The following RIF1 variants were observed in gnomAD, a reference collection of about 807,000 sequenced individuals.
RIF1 encodes the protein telomere-associated protein RIF1.
Under a neutral mutation model 247.1 loss-of-function variants are expected in RIF1, and 45 were observed. The observed-to-expected ratio is 0.18, with a 90% CI of 0.14 to 0.23. The LOEUF (loss-of-function observed/expected upper bound fraction) is 0.23. RIF1 is among the 10% of genes least tolerant of loss of function. The pLI, the probability that RIF1 is intolerant of heterozygous loss-of-function variation, is 1.00. For missense variants in RIF1, 2,967 were observed against 2,862.5 expected, an observed-to-expected ratio of 1.04 and a Z score of -0.83; for synonymous variants, 1,087 against 978.8, an observed-to-expected ratio of 1.11 and a Z score of -2.06.
At chr2:151,529,243 T>C in the RIF1 span, 6 of 1,613,548 alleles carry the variant, frequency 3.7e-6, no homozygotes, top group South Asian at 6.6e-5. Context: ...CCTTGGCTGC[T>C]TTGATATGAA....
the RIF1 span, among the ~76,000 whole-genome samples, chr2:151,518,142 T>C: frequency 6.6e-6 from 1 of 152,204 alleles, no homozygotes. Flanking sequence ...CTCAACTATA[T>C]GTAGATGTTG....
intron 9 of RIF1, among the ~76,000 whole-genome samples, chr2:151,429,314 G>A (rs1429903635): frequency 1.3e-5 from 2 of 152,020 alleles, no homozygotes; most frequent in Non-Finnish European, 2.9e-5. Flanking sequence ...CCGAGTAGCT[G>A]GGATTACAGG....
At chr2:151,428,071 A>AAACAG (rs781707249) in intron 8 of RIF1, among the ~76,000 whole-genome samples, 2 of 152,024 alleles carry the variant, frequency 1.3e-5, no homozygotes, top group African/African-American at 2.4e-5. Flanking sequence ...AAACAAAACA[A>AAACAG]AACAAAAATT....
chr2:151,410,265 T>G, intron 1 of RIF1, 149 bp from the exon 2 acceptor site: 1 of 657,888 alleles, frequency 1.5e-6, no homozygotes, highest in Non-Finnish European at 2.7e-6. Flanking sequence ...CGCGCTGGGG[T>G]TTGGTGATTC....
At chr2:151,442,237 G>A (rs55900984) in intron 16 of RIF1, among the ~76,000 whole-genome samples, 34,212 of 151,216 alleles carry the variant, frequency 0.23, 4,632 homozygotes, top group Admixed American at 0.36. Context: ...CACCACACCC[G>A]GCTAATTTTG....
downstream of RIF1, among the ~76,000 whole-genome samples, chr2:151,511,566 A>G (rs146295003): frequency 7.9e-3 from 1,210 of 152,336 alleles, 10 homozygotes; most frequent in Non-Finnish European, 0.01. Flanking sequence ...AGGTGCCTAT[A>G]AAGCACAGCT....
chr2:151,519,382 C>T, the RIF1 span, among the ~76,000 whole-genome samples: 1 of 152,182 alleles, frequency 6.6e-6, no homozygotes, highest in Non-Finnish European at 1.5e-5. Context: ...CACCAAAGGA[C>T]AGATACTGTT....
At chr2:151,470,008 A>G in intron 34 of RIF1, 144 bp downstream of exon 34, 1 of 477,970 alleles carries the variant, frequency 2.1e-6, no homozygotes, top group Non-Finnish European at 3.5e-6. Flanking sequence ...TGCACCTCAG[A>G]TAAATTTTTA....
At chr2:151,468,826 C>A in intron 33 of RIF1, 70 bp downstream of exon 33, 1 of 1,091,442 alleles carries the variant, frequency 9.2e-7, no homozygotes. Flanking sequence ...TATCTGATTG[C>A]TTGGTTCTCA....
chr2:151,417,469 C>G (rs1317686191), intron 6 of RIF1, among the ~76,000 whole-genome samples: 1 of 152,124 alleles, frequency 6.6e-6, no homozygotes, highest in Non-Finnish European at 1.5e-5. Context: ...TTTTCTATAA[C>G]AATGATGAAT....
chr2:151,468,422 T>C, intron 31 of RIF1, 52 bp from the exon 32 acceptor site: 2 of 1,402,020 alleles, frequency 1.4e-6, no homozygotes, highest in Non-Finnish European at 2.0e-6. Flanking sequence ...AATTGTGAAA[T>C]TATAGTCATC....
At position 151,477,104 on chromosome 2, in the gene RIF1, A is replaced by G. The variant is rs1462086519; in HGVS notation, c.*2033A>G. 2.6e-5 allele frequency: 4 copies of G among 152,210 alleles called. No individual in the cohort carries two copies. The highest frequency in any genetic ancestry group is 7.2e-5 in the African/African-American group (3 of 41,458). 9.4% of individuals were successfully genotyped at this position (152,210 alleles called of 1,614,324 possible). A position where few individuals can be genotyped will look rare whatever the true frequency, so the allele number is the denominator to read the frequency against. On this transcript the variant is annotated 3_prime_UTR_variant, in exon 36 of 36. Coordinates refer to ENST00000444746, the MANE Select transcript of RIF1 (RefSeq NM_018151.5). ...AAAGCTGCATTTAAAAATATTTGGG[A>G]GCAAAGACAAGCATGCTAAATCTTC...
At chr2:151,444,074 A>G (rs1002376767) in intron 18 of RIF1, among the ~76,000 whole-genome samples, 1 of 152,252 alleles carries the variant, frequency 6.6e-6, no homozygotes, top group African/African-American at 2.4e-5. Context: ...TGATTACCTC[A>G]AAGCCATATA....
intron 3 of RIF1, 57 bp from the exon 4 acceptor site, chr2:151,414,766 C>G: frequency 8.0e-7 from 1 of 1,250,606 alleles, no homozygotes; most frequent in South Asian, 1.3e-5. Context: ...CTTCTGCTTT[C>G]TAAAAATTGA....
intron 26 of RIF1, 100 bp from the exon 27 acceptor site, chr2:151,461,038 C>G (rs1696077314): frequency 9.4e-7 from 1 of 1,069,168 alleles, no homozygotes. Context: ...TTCATAATCA[C>G]TATTGAAAAA....
At chr2:151,442,380 CT>C (rs34666273) in intron 16 of RIF1, among the ~76,000 whole-genome samples, 15 of 146,412 alleles carry the variant, frequency 1.0e-4, no homozygotes, top group African/African-American at 3.3e-4. Flanking sequence ...GCATATTTCC[CT>C]TTTTTTTAAA....
In RIF1 at chr2:151,410,457, C is replaced by T. The variant is rs367929177; in HGVS notation, c.34C>T (p.Leu12=). 7 of 1,614,066 alleles carry T rather than the reference C, an allele frequency of 4.3e-6. No homozygotes were observed. Among genetic ancestry groups the T allele is most frequent in the African/African-American group, 1.3e-5 (1 of 75,058 alleles). ...TARGQSPLAP[L]LETLEDPSAS... The stretch of plus-strand genomic sequence containing the variant: ...CAGGGGTCAGAGCCCCCTCGCGCCG[C>T]TGTTGGAGACTTTGGAAGACCCTTC... Residue 12 remains leucine, a synonymous_variant, in exon 2 of 36, where the codon CTG becomes TTG. Transcript: ENST00000444746.
At chr2:151,453,406 GTC>G (rs1694658278) in intron 21 of RIF1, among the ~76,000 whole-genome samples, 1 of 151,878 alleles carries the variant, frequency 6.6e-6, no homozygotes, top group Admixed American at 6.6e-5. Context: ...GCTACAACCT[GTC>G]TCTACTAAAA....
At chr2:151,416,421 C>T in intron 4 of RIF1, 140 bp from the exon 5 acceptor site, 2 of 727,436 alleles carry the variant, frequency 2.7e-6, no homozygotes, top group Non-Finnish European at 4.2e-6. Flanking sequence ...AGTTTGGTAT[C>T]AGCATTGGTT....
Sources: gnomAD v4.1 joint callset for allele counts (sites outside exome capture counted in the v4.1 genomes callset) on GRCh38, gnomAD v4.1.1 for gene constraint, MANE v1.5 for transcripts, NCBI Gene and HGNC (gene_info 2026-07-23, HGNC 2026-07-21) for gene names.